Variants in SLC22A23 observed in about 807,000 individuals in gnomAD.
The protein encoded by SLC22A23 is ion transporter protein.
In SLC22A23, 26 loss-of-function variants were observed where a neutral mutation model predicts 61.0. The ratio of observed to expected loss-of-function variants is 0.43; its 90% CI spans 0.31 to 0.59. SLC22A23 has a LOEUF of 0.59. SLC22A23 is among the 20% of genes least tolerant of loss of function. The probability of loss-of-function intolerance (pLI) is 0.11; values close to 1 mark genes in which losing one functional copy is unlikely to be tolerated. For synonymous variants in SLC22A23, 430 were observed against 413.9 expected, an observed-to-expected ratio of 1.04 and a Z score of -0.47; for missense variants, 796 against 934.7, an observed-to-expected ratio of 0.85 and a Z score of 1.94.
At chr6:3,438,240 G>A (rs1437637878) in intron 1 of SLC22A23, among the ~76,000 whole-genome samples, 14 of 152,214 alleles carry the variant, frequency 9.2e-5, no homozygotes, top group Admixed American at 9.2e-4. Flanking sequence ...ACAGTGCTGC[G>A]ATCATGTAAG....
rs565042398 is a variant in SLC22A23 at position 3,282,888 on chromosome 6, G to A, written c.1703+964C>T. Among the ~76,000 whole-genome samples the A allele has an allele frequency of 7.9e-5, 12 of 152,120 alleles. No homozygotes were observed. In the East Asian group the frequency reaches 1.3e-3, roughly 17 times the overall value. On this transcript the variant is annotated intron_variant, in intron 9 of 9. Coordinates refer to ENST00000406686, the MANE Select transcript of SLC22A23 (RefSeq NM_015482.2). ...TGAACCACGACCCAGGGGCAGAGAC[G>A]GCACCAGGAAGGGGTCAGCCTCACT...
In SLC22A23 at chr6:3,456,400, G is replaced by T. The variant is rs1454005578; in HGVS notation, c.160C>A (p.Pro54Thr). The T allele has an allele frequency of 1.4e-5, 21 of 1,493,878 alleles. No individual in the cohort carries two copies. The highest frequency in any genetic ancestry group is 1.9e-5 in the Non-Finnish European group (21 of 1,118,358). 92.5% of individuals were successfully genotyped at this position (1,493,878 alleles called of 1,614,324 possible). A position where few individuals can be genotyped will look rare whatever the true frequency, so the allele number is the denominator to read the frequency against. ...GGGCCGCCTCCAGGATGCAGTGGGG[G>T]CAGCGGCTGGATCTCCGCGCCGCCG... ...PGGGAEIQPLPPLHPGGGPHP... is the reference protein window; with the variant it reads ...PGGGAEIQPLTPLHPGGGPHP... The change falls in exon 1 of 10, where the codon CCC (proline) becomes ACC (threonine). Residue 54 changes from proline (P) to threonine (T), a missense_variant. Physicochemically the swap from Pro to Thr is conservative, Grantham distance 38. Transcript: ENST00000406686. The surrounding 1 kb of genome is among the most constrained non-coding windows in gnomAD (Gnocchi z 7.1).
intron 1 of SLC22A23, among the ~76,000 whole-genome samples, chr6:3,433,417 C>T (rs559428095): frequency 1.3e-5 from 2 of 152,284 alleles, no homozygotes; most frequent in East Asian, 3.9e-4. Flanking sequence ...CAAATGGTAA[C>T]CCCCTCCCCA....
At chr6:3,423,224 T>C (rs1174616457) in intron 1 of SLC22A23, among the ~76,000 whole-genome samples, 1 of 152,142 alleles carries the variant, frequency 6.6e-6, no homozygotes, top group Non-Finnish European at 1.5e-5. Context: ...CAGAAAAAAT[T>C]ACCACCTGAA....
rs1758498429 is a variant in SLC22A23, at chr6:3,271,891, A to G, written c.*1164T>C. 6.6e-6 allele frequency: 1 copy of G among 152,392 alleles called. No individual in the cohort carries two copies. Among genetic ancestry groups the G allele is most frequent in the Non-Finnish European group, 1.5e-5 (1 of 68,086 alleles). The allele number at this position is 152,392 out of a possible 1,614,324, so 9.4% of individuals were successfully genotyped here. On this transcript the variant is annotated 3_prime_UTR_variant, in exon 10 of 10. Coordinates refer to ENST00000406686, the MANE Select transcript of SLC22A23 (RefSeq NM_015482.2). ...TGATGCCTTCGAGAGGCTGGAGGTCATTTGGACTCACCTATGAGGAATCTC... is the reference window on the plus strand; with the variant it reads ...TGATGCCTTCGAGAGGCTGGAGGTCGTTTGGACTCACCTATGAGGAATCTC...
chr6:3,287,122 GGCTGCCCCCATGCCAGGGGCTGC>G (rs1760090146), intron 6 of SLC22A23, 31 bp from the exon 7 acceptor site: 1 of 1,602,062 alleles, frequency 6.2e-7, no homozygotes. Flanking sequence ...GCAGTGGGTG[GGCTGCCCCCATGCCAGGGGCTGC>G]GCTGCCTCCT....
At chr6:3,368,760 C>T (rs2127459999) in intron 3 of SLC22A23, among the ~76,000 whole-genome samples, 1 of 152,222 alleles carries the variant, frequency 6.6e-6, no homozygotes, top group South Asian at 2.1e-4. Flanking sequence ...GAAAGACAGC[C>T]AAGATTAGTA....
At chr6:3,285,133 C>G in intron 7 of SLC22A23, 22 bp from the exon 8 acceptor site, 1 of 1,613,182 alleles carries the variant, frequency 6.2e-7, no homozygotes, top group Non-Finnish European at 8.5e-7. Context: ...GACATGATCG[C>G]ACCCACACGG....
intron 3 of SLC22A23, among the ~76,000 whole-genome samples, chr6:3,346,258 C>T (rs1326772275): frequency 1.3e-5 from 2 of 152,178 alleles, no homozygotes; most frequent in South Asian, 2.1e-4. Context: ...CCTGCTCACA[C>T]GTTCATGTAC....
At chr6:3,356,238 T>G (rs1334433036) in intron 3 of SLC22A23, among the ~76,000 whole-genome samples, 1 of 150,492 alleles carries the variant, frequency 6.6e-6, no homozygotes, top group Non-Finnish European at 1.5e-5. Flanking sequence ...GGGAGGGCCC[T>G]CCTTCTGCGT....
At chr6:3,438,142 G>A (rs574008148) in intron 1 of SLC22A23, among the ~76,000 whole-genome samples, 121 of 152,196 alleles carry the variant, frequency 8.0e-4, no homozygotes, top group Non-Finnish European at 1.1e-3. Context: ...ATTGACAGCC[G>A]TGTGCTAGAG....
intron 3 of SLC22A23, among the ~76,000 whole-genome samples, chr6:3,366,354 A>AAG (rs1765830217): frequency 1.3e-5 from 1 of 78,406 alleles, no homozygotes; most frequent in African/African-American, 4.0e-5. Context: ...AAAAAAAAAA[A>AAG]AAAGAAAGAA....
At chr6:3,367,990 G>A (rs533453935) in intron 3 of SLC22A23, among the ~76,000 whole-genome samples, 98 of 152,174 alleles carry the variant, frequency 6.4e-4, no homozygotes, top group South Asian at 1.5e-3. Flanking sequence ...CTTCACCAGC[G>A]GACCGAGAGA....
At chr6:3,291,098 G>GT (rs1330059562) in intron 5 of SLC22A23, 1 of 152,192 alleles carries the variant, frequency 6.6e-6, no homozygotes, top group Non-Finnish European at 1.5e-5. Context: ...CACTCTTTTA[G>GT]TTTCGACAAC....
intron 4 of SLC22A23, among the ~76,000 whole-genome samples, chr6:3,316,901 A>T (rs1762676833): frequency 6.6e-6 from 1 of 152,142 alleles, no homozygotes; most frequent in African/African-American, 2.4e-5. Flanking sequence ...GCCATGCGCC[A>T]CCATGCCCAG....
At chr6:3,363,050 C>T (rs919366573) in intron 3 of SLC22A23, among the ~76,000 whole-genome samples, 3 of 152,190 alleles carry the variant, frequency 2.0e-5, no homozygotes, top group Admixed American at 6.5e-5. Flanking sequence ...TGGGACATCC[C>T]GCAGCCCACT....
chr6:3,407,517 T>C lies in SLC22A23; in HGVS notation c.913+2671A>G, dbSNP rs567280282. Among the ~76,000 whole-genome samples, 227 of 152,362 alleles carry C rather than the reference T, an allele frequency of 1.5e-3. 1 individual carries two copies. The highest frequency in any genetic ancestry group is 5.2e-3 in the African/African-American group (218 of 41,592). On this transcript the variant is annotated intron_variant, in intron 3 of 9. Transcript: ENST00000406686. Reference sequence around the variant, plus strand: ...TAAATTCTCCCTTTATTTCCTTTTATTCTTCTCTCAGAAGCTTTGCTCTTT... The same window carrying C: ...TAAATTCTCCCTTTATTTCCTTTTACTCTTCTCTCAGAAGCTTTGCTCTTT...
chr6:3,338,837 T>C (rs532237113), intron 3 of SLC22A23, among the ~76,000 whole-genome samples: 1 of 152,376 alleles, frequency 6.6e-6, no homozygotes, highest in East Asian at 1.9e-4. Context: ...ATGTCACCTT[T>C]GGGGTTTCTT....
At chr6:3,431,680 T>C (rs1427700258) in intron 1 of SLC22A23, among the ~76,000 whole-genome samples, 1 of 152,196 alleles carries the variant, frequency 6.6e-6, no homozygotes, top group Non-Finnish European at 1.5e-5. Flanking sequence ...TGAGAGCACC[T>C]GAGAAGCACT....
Sources: gnomAD v4.1 joint callset for allele counts (sites outside exome capture counted in the v4.1 genomes callset) on GRCh38, gnomAD v4.1.1 for gene constraint, Gnocchi (gnomAD v3.1) non-coding constraint, MANE v1.5 for transcripts, NCBI Gene and HGNC (gene_info 2026-07-23, HGNC 2026-07-21) for gene names.